GAK: variants seen among roughly 807,000 people sequenced by gnomAD.
GAK encodes cyclin G associated kinase, also known as cyclin-G-associated kinase.
GAK carries 79 observed loss-of-function variants against 143.9 expected under a neutral mutation model. The ratio of observed to expected loss-of-function variants is 0.55; its 90% CI spans 0.46 to 0.66. The LOEUF is 0.66. Among genes scored for constraint, GAK ranks in the 30% least tolerant of loss-of-function variants. The probability of loss-of-function intolerance (pLI) is 0.00; values close to 1 mark genes in which losing one functional copy is unlikely to be tolerated. For synonymous variants in GAK, 881 were observed against 765.5 expected, an observed-to-expected ratio of 1.15 and a Z score of -2.49; for missense variants, 1,693 against 1,779.7, an observed-to-expected ratio of 0.95 and a Z score of 0.88.
intron 1 of GAK, among the ~76,000 whole-genome samples, chr4:929,481 CA>C (rs1452065779): frequency 3.3e-5 from 5 of 152,210 alleles, no homozygotes; most frequent in African/African-American, 1.2e-4. Flanking sequence ...ACGCAGAACC[CA>C]AAACAAAGAA....
intron 18 of GAK, among the ~76,000 whole-genome samples, chr4:874,752 T>A (rs1024335465): frequency 1.3e-5 from 2 of 152,190 alleles, no homozygotes; most frequent in African/African-American, 2.4e-5. Context: ...AGGAAAATTT[T>A]TGGCCAATGA....
At chr4:921,298 T>G (rs977086870) in intron 1 of GAK, among the ~76,000 whole-genome samples, 4 of 152,286 alleles carry the variant, frequency 2.6e-5, no homozygotes, top group African/African-American at 9.6e-5. Flanking sequence ...AGACGGGGTT[T>G]CACTATGTTG....
chr4:893,980 G>A lies in GAK; in HGVS notation c.771C>T (p.Cys257=). ...WALGCILYLL[C]FRQHPFEDGA... ...CATCCTCAAAAGGGTGCTGCCGGAA[G>A]CACAGCAGGTACAAGATGCAGCCCA... Residue 257 remains cysteine (C), a synonymous_variant, in exon 8 of 28, where the codon TGC becomes TGT. Coordinates refer to ENST00000314167, the MANE Select transcript of GAK (RefSeq NM_005255.4). 3 of 1,611,596 alleles carry A rather than the reference G, an allele frequency of 1.9e-6. No homozygotes were observed. Among genetic ancestry groups the A allele is most frequent in the South Asian group, 1.1e-5 (1 of 90,780 alleles).
At position 912,764 on chromosome 4, in the gene GAK, T is replaced by C. The variant is rs1197832712; in HGVS notation, c.238A>G (p.Arg80Gly). The C allele has an allele frequency of 2.5e-6, 4 of 1,613,876 alleles. No homozygotes were observed. The highest frequency in any genetic ancestry group is 3.4e-6 in the Non-Finnish European group (4 of 1,179,898). ...AAGCAAACTTCTTGAATGATGGCTC[T>C]GTTCTTTTCCTCTTCATTGGATAAT... ...RLLSNEEEKN[R>G]AIIQEVCFMK... The change falls in exon 3 of 28, where the codon AGA becomes GGA. Residue 80 changes from arginine (R) to glycine (G), a missense_variant. Physicochemically the swap from Arg to Gly is moderately radical, Grantham distance 125 (BLOSUM62 -2). Coordinates refer to ENST00000314167, the MANE Select transcript of GAK (RefSeq NM_005255.4).
At chr4:855,860 C>T (rs545061403) in intron 24 of GAK, among the ~76,000 whole-genome samples, 11 of 152,282 alleles carry the variant, frequency 7.2e-5, no homozygotes, top group East Asian at 5.8e-4. Context: ...GAGGCTGAGG[C>T]GGGAGAATTG....
Position 864,724 on chromosome 4 carries a change from G to A in GAK, c.3166+398C>T, listed in dbSNP as rs143933462. On this transcript the variant is annotated intron_variant, in intron 23 of 27. Transcript: ENST00000314167. Reference sequence around the variant, plus strand: ...ACACCGAGACAAGACCCATGGGGTCGGCCTCAGTCACAAACCCCTTCAGGA... The same window carrying A: ...ACACCGAGACAAGACCCATGGGGTCAGCCTCAGTCACAAACCCCTTCAGGA... 4.1e-3 allele frequency among the ~76,000 whole-genome samples: 628 copies of A among 152,206 alleles called. 8 individuals are homozygous for A. Among genetic ancestry groups the A allele is most frequent in the African/African-American group, 0.014 (599 of 41,526 alleles).
At chr4:896,256 G>A (rs1006884780) in intron 7 of GAK, among the ~76,000 whole-genome samples, 1 of 152,124 alleles carries the variant, frequency 6.6e-6, no homozygotes, top group Non-Finnish European at 1.5e-5. Flanking sequence ...GGTGACAGAG[G>A]AAGACCCTGT....
rs369296871 is a variant in GAK at position 865,191 on chromosome 4, G to A, written c.3097C>T (p.Leu1033=). ...GTCCAGGCAGCCCATCCTCCCAGCA[G>A]GTCTGGGTTGCTGGACGAGGCTGTC... is the stretch of plus-strand genomic sequence containing the variant. ...KMTASSSNPD[L]LGGWAAWTET... Residue 1033 remains leucine (L), a synonymous_variant, in exon 23 of 28, where the codon CTG becomes TTG. Coordinates refer to ENST00000314167, the MANE Select transcript of GAK (RefSeq NM_005255.4). 70 of 1,613,242 alleles carry A rather than the reference G, an allele frequency of 4.3e-5. No individual in the cohort carries two copies. The highest frequency in any genetic ancestry group is 5.4e-5 in the Non-Finnish European group (64 of 1,179,862).
intron 1 of GAK, among the ~76,000 whole-genome samples, chr4:923,351 T>C (rs1724193030): frequency 6.6e-6 from 1 of 152,208 alleles, no homozygotes; most frequent in African/African-American, 2.4e-5. Flanking sequence ...ATATACATTT[T>C]ACAGCACACA....
intron 23 of GAK, among the ~76,000 whole-genome samples, chr4:861,082 T>C (rs1200145890): frequency 6.6e-6 from 1 of 152,172 alleles, no homozygotes; most frequent in African/African-American, 2.4e-5. Context: ...ACGGCGAGCT[T>C]AACTGACAAC....
intron 1 of GAK, among the ~76,000 whole-genome samples, chr4:917,465 A>G (rs1056261675): frequency 1.2e-4 from 18 of 152,272 alleles, no homozygotes; most frequent in African/African-American, 2.9e-4. Context: ...CAGTCAGTGT[A>G]CAGAAAACTC....
At chr4:896,808 G>A (rs1441056950) in intron 6 of GAK, among the ~76,000 whole-genome samples, 1 of 152,258 alleles carries the variant, frequency 6.6e-6, no homozygotes, top group Non-Finnish European at 1.5e-5. Flanking sequence ...CGTGCTTCAT[G>A]GCATGTCGGC....
In GAK at chr4:854,411, A is replaced by G. The variant is rs182526208; in HGVS notation, c.3284-2437T>C. Reference sequence around the variant, plus strand: ...TGCTCAGAGCTCTGAAGTTGGGTCCACCTGTCCTCTTATGGGTGTGGTTTG... The same window carrying G: ...TGCTCAGAGCTCTGAAGTTGGGTCCGCCTGTCCTCTTATGGGTGTGGTTTG... On this transcript the variant is annotated intron_variant, in intron 24 of 27. Transcript: ENST00000314167. Among the ~76,000 whole-genome samples, 1,478 of 152,216 alleles carry G rather than the reference A, an allele frequency of 9.7e-3. 8 individuals carry two copies. Among genetic ancestry groups the G allele is most frequent in the Non-Finnish European group, 0.014 (974 of 68,000 alleles).
intron 1 of GAK, among the ~76,000 whole-genome samples, chr4:914,751 C>T (rs1274329187): frequency 7.7e-6 from 1 of 130,196 alleles, no homozygotes; most frequent in African/African-American, 3.0e-5. Flanking sequence ...AGGCCCCACA[C>T]ACAGCCCCAG....
chr4:867,122 C>T lies in GAK; in HGVS notation c.2706G>A (p.Lys902=). 1 of 1,580,480 alleles carries T rather than the reference C, an allele frequency of 6.3e-7. No individual in the cohort carries two copies. Among genetic ancestry groups the T allele is most frequent in the Non-Finnish European group, 8.6e-7 (1 of 1,160,186 alleles). Residue 902 remains lysine, a synonymous_variant, in exon 21 of 28, where the codon AAG becomes AAA. Transcript: ENST00000314167. ...GCAGGTCGGTGTTGCTGGAGGGGGC[C>T]TTGCAGGCCTGCGGGGGTACAGCTG... ...AGPAVPPQAC[K]APSSNTDLLS...
intron 5 of GAK, among the ~76,000 whole-genome samples, chr4:900,514 C>T (rs1362285110): frequency 6.6e-6 from 1 of 152,174 alleles, no homozygotes; most frequent in African/African-American, 2.4e-5. Flanking sequence ...ACTCAAGCCC[C>T]GCTACACGAC....
chr4:890,009 C>T (rs1358248818), intron 10 of GAK, among the ~76,000 whole-genome samples: 2 of 152,232 alleles, frequency 1.3e-5, no homozygotes, highest in Non-Finnish European at 2.9e-5. Context: ...CTCCTGCCCC[C>T]TGGCCTCAGG....
chr4:910,979 A>G (rs1193294621), intron 4 of GAK, among the ~76,000 whole-genome samples: 1 of 152,108 alleles, frequency 6.6e-6, no homozygotes, highest in Non-Finnish European at 1.5e-5. Flanking sequence ...GTCTCCGGCC[A>G]GTCAGCGTGG....
rs200327787 is a variant in GAK at position 894,013 on chromosome 4, C to T, written c.742-4G>A. On this transcript the variant is annotated splice_region_variant and splice_polypyrimidine_tract_variant and intron_variant, in intron 7 of 27. Transcript: ENST00000314167. ...GGTACAAGATGCAGCCCAGGGCCTGCGGGGAGAGCAGGGGTGATGCCTAGG... is the reference window on the plus strand; with the variant it reads ...GGTACAAGATGCAGCCCAGGGCCTGTGGGGAGAGCAGGGGTGATGCCTAGG... The T allele has an allele frequency of 3.3e-5, 52 of 1,595,028 alleles. No individual in the cohort carries two copies. Among genetic ancestry groups the T allele is most frequent in the Non-Finnish European group, 3.8e-5 (45 of 1,170,852 alleles).
Sources: allele counts gnomAD v4.1 joint callset (sites outside exome capture counted in the v4.1 genomes callset), GRCh38; gene constraint gnomAD v4.1.1; transcripts MANE v1.5; gene names NCBI Gene and HGNC (gene_info 2026-07-23, HGNC 2026-07-21).